Variants in CRMP1 observed in about 807,000 individuals in gnomAD.
CRMP1 encodes the protein dihydropyrimidinase-related protein 1.
CRMP1 carries 19 observed loss-of-function variants against 68.3 expected under a neutral mutation model. The ratio of observed to expected loss-of-function variants is 0.28; its 90% CI spans 0.19 to 0.41. The LOEUF (loss-of-function observed/expected upper bound fraction) is 0.41, where lower values mean the gene tolerates loss of function less well. Among genes scored for constraint, CRMP1 ranks in the 10% least tolerant of loss-of-function variants. The pLI, the probability that CRMP1 is intolerant of heterozygous loss-of-function variation, is 1.00. For synonymous variants in CRMP1, 439 were observed against 399.6 expected (o/e 1.10, Z -1.18); for missense variants, 791 against 967.4 (o/e 0.82, Z 2.42).
chr4:5,892,904 G>A lies in CRMP1; in HGVS notation c.66C>T (p.Gly22=). ...TCTGGCGCGGGGTCTGCGCCGCGCT[G>A]CCCGGCCGCGCCAGGTACACGGGCA... ...DDLPVYLARP[G]SAAQTPRQKY... Residue 22 remains glycine (G), a synonymous_variant, in exon 1 of 14, where the codon GGC becomes GGT. Coordinates refer to ENST00000324989, the MANE Select transcript of CRMP1 (RefSeq NM_001014809.3). The surrounding 1 kb of genome is among the most constrained non-coding windows in gnomAD (Gnocchi z 8.6). The A allele has an allele frequency of 7.4e-7, 1 of 1,360,480 alleles. No homozygotes were observed. Among genetic ancestry groups the A allele is most frequent in the South Asian group, 1.6e-5 (1 of 62,986 alleles). The allele number at this position is 1,360,480 out of a possible 1,614,324, so 84.3% of individuals were successfully genotyped here. A position where few individuals can be genotyped will look rare whatever the true frequency, so the allele number is the denominator to read the frequency against.
At chr4:5,886,512 T>C (rs1033784970) in intron 1 of CRMP1, among the ~76,000 whole-genome samples, 2 of 152,256 alleles carry the variant, frequency 1.3e-5, no homozygotes, top group Non-Finnish European at 2.9e-5. Context: ...CAACAGGCAG[T>C]AGGCCTGGTG....
In CRMP1 at chr4:5,861,603, G is replaced by A. The variant is rs954071406; in HGVS notation, c.471-393C>T. Among the ~76,000 whole-genome samples the A allele has an allele frequency of 7.9e-5, 12 of 152,256 alleles. No homozygotes were observed. The highest frequency in any genetic ancestry group is 5.8e-4 in the East Asian group (3 of 5,158). On this transcript the variant is annotated intron_variant, in intron 2 of 13. Transcript: ENST00000324989. This position sits in a 1 kb window ranked among gnomAD's most constrained non-coding sequence, Gnocchi z 6.0. The stretch of plus-strand genomic sequence containing the variant: ...AGGTGCCTGAAAACTTCCTCCAGGA[G>A]GTTAAATTCCAAATGGGGAAGGAGG...
intron 2 of CRMP1, among the ~76,000 whole-genome samples, chr4:5,864,335 C>T (rs1713823510): frequency 6.6e-6 from 1 of 152,192 alleles, no homozygotes; most frequent in Non-Finnish European, 1.5e-5. Context: ...AGCCCCCACA[C>T]AAAGGGGTGT....
chr4:5,875,398 GAAAAAAAAAA>G lies in CRMP1; in HGVS notation c.382-8652_382-8643del, dbSNP rs10561614. 8.0e-3 allele frequency among the ~76,000 whole-genome samples: 1,103 copies of G among 137,596 alleles called. 16 individuals are homozygous for G. Among genetic ancestry groups the G allele is most frequent in the African/African-American group, 0.027 (1,016 of 37,452 alleles). The allele number at this position is 137,596 out of a possible 152,430, so 90.3% of individuals were successfully genotyped here. A position where few individuals can be genotyped will look rare whatever the true frequency, so the allele number is the denominator to read the frequency against. On this transcript the variant is annotated intron_variant, in intron 1 of 13. Coordinates refer to ENST00000324989, the MANE Select transcript of CRMP1 (RefSeq NM_001014809.3). ...AAAATCTATTAAGGTCTAGATTTTA[GAAAAAAAAAA>G]AAAAAAAAGAGATGGGATGCTATTC...
At chr4:5,823,941 C>T (rs1560474790) in intron 13 of CRMP1, among the ~76,000 whole-genome samples, 1 of 152,198 alleles carries the variant, frequency 6.6e-6, no homozygotes, top group East Asian at 1.9e-4. Flanking sequence ...TGTTGGAAAG[C>T]ATCTGTGTTG....
intron 1 of CRMP1, among the ~76,000 whole-genome samples, chr4:5,882,226 T>C (rs142884833): frequency 3.9e-5 from 6 of 152,364 alleles, no homozygotes; most frequent in Non-Finnish European, 7.3e-5. Context: ...ATGTGAAATA[T>C]GCTACATTTG....
At chr4:5,885,202 G>A (rs577878994) in intron 1 of CRMP1, among the ~76,000 whole-genome samples, 2 of 152,094 alleles carry the variant, frequency 1.3e-5, no homozygotes, top group Admixed American at 6.6e-5. Context: ...CCCATGCTGC[G>A]CCCCTGCCTG....
At position 5,853,967 on chromosome 4, in the gene CRMP1, T is replaced by C. The variant is rs1458665044; in HGVS notation, c.820+2176A>G. Among the ~76,000 whole-genome samples, 5 of 152,222 alleles carry C rather than the reference T, an allele frequency of 3.3e-5. No individual in the cohort carries two copies. Among genetic ancestry groups the C allele is most frequent in the Non-Finnish European group, 7.3e-5 (5 of 68,036 alleles). On this transcript the variant is annotated intron_variant, in intron 4 of 13. Transcript: ENST00000324989. The surrounding 1 kb of genome is among the most constrained non-coding windows in gnomAD (Gnocchi z 4.7). ...TCGCCTGCTGGTGACCCAGCCCAGA[T>C]GCGCACAGCACAGGGCTCCCTGGAT...
chr4:5,885,655 T>G (rs550629150), intron 1 of CRMP1, among the ~76,000 whole-genome samples: 24 of 152,208 alleles, frequency 1.6e-4, no homozygotes, highest in African/African-American at 5.5e-4. Flanking sequence ...CTGTCTCCCC[T>G]AGGACAAGGC....
intron 1 of CRMP1, among the ~76,000 whole-genome samples, chr4:5,869,262 C>G (rs1188790755): frequency 1.3e-5 from 2 of 152,140 alleles, no homozygotes; most frequent in African/African-American, 4.8e-5. Context: ...CAATTTTCCA[C>G]TTCTTGAAGG....
In CRMP1 at chr4:5,843,675, C is replaced by A. The variant is rs1357143503; in HGVS notation, c.964-514G>T. 6.6e-6 allele frequency among the ~76,000 whole-genome samples: 1 copy of A among 152,198 alleles called. No individual in the cohort carries two copies. The highest frequency in any genetic ancestry group is 1.5e-5 in the Non-Finnish European group (1 of 68,046). The stretch of plus-strand genomic sequence containing the variant: ...TGACCTCAGTCTCCTCTTCTGTACA[C>A]TGGGGATAACGGTGCTTGTACTGCA... On this transcript the variant is annotated intron_variant, in intron 6 of 13. Transcript: ENST00000324989. This position sits in a 1 kb window ranked among gnomAD's most constrained non-coding sequence, Gnocchi z 4.1.
At chr4:5,828,725 T>C (rs1720075581) in intron 11 of CRMP1, 57 bp from the exon 12 acceptor site, 3 of 1,569,678 alleles carry the variant, frequency 1.9e-6, no homozygotes, top group African/African-American at 1.4e-5. Context: ...AAACGAGCTG[T>C]TCATAACAGC....
At chr4:5,826,374 G>C (rs564268057) in intron 12 of CRMP1, 2 of 153,180 alleles carry the variant, frequency 1.3e-5, no homozygotes, top group East Asian at 3.9e-4. Flanking sequence ...GGGGAGCTGA[G>C]ACAGGGAGGG....
intron 1 of CRMP1, among the ~76,000 whole-genome samples, chr4:5,884,896 G>T (rs1715470735): frequency 6.6e-6 from 1 of 151,306 alleles, no homozygotes. Flanking sequence ...GCCTTTGTTT[G>T]CTCAGAGCCA....
At chr4:5,831,895 G>A (rs1222244917) in intron 11 of CRMP1, among the ~76,000 whole-genome samples, 1 of 152,152 alleles carries the variant, frequency 6.6e-6, no homozygotes, top group Non-Finnish European at 1.5e-5. Flanking sequence ...CCCCTCCAGG[G>A]AGAACTGGTT....
intron 11 of CRMP1, among the ~76,000 whole-genome samples, chr4:5,833,558 CT>C (rs398092137): frequency 3.8e-4 from 20 of 52,114 alleles, no homozygotes; most frequent in Non-Finnish European, 5.7e-4. Flanking sequence ...CACATGTGTC[CT>C]CTCTCTCTCT....
Position 5,821,927 on chromosome 4 carries a change from T to G in CRMP1, c.1970-76A>C. ...CACGCTGCTCCTGGAGGCCATGTAC[T>G]CTGCCATGCACTCCACTGGACCCAC... On this transcript the variant is annotated intron_variant, in intron 13 of 13. Coordinates refer to ENST00000324989, the MANE Select transcript of CRMP1 (RefSeq NM_001014809.3). The surrounding 1 kb of genome is among the most constrained non-coding windows in gnomAD (Gnocchi z 4.4). 8.6e-7 allele frequency: 1 copy of G among 1,161,776 alleles called. No individual in the cohort carries two copies. Among genetic ancestry groups the G allele is most frequent in the Non-Finnish European group, 1.2e-6 (1 of 851,868 alleles). 72.0% of individuals were successfully genotyped at this position (1,161,776 alleles called of 1,614,324 possible).
chr4:5,828,690 T>C (rs1442104201), intron 11 of CRMP1, 22 bp from the exon 12 acceptor site: 14 of 1,608,034 alleles, frequency 8.7e-6, no homozygotes, highest in Non-Finnish European at 1.1e-5. Flanking sequence ...GCCTCAGTGT[T>C]ACTTCCCAGG....
Position 5,825,807 on chromosome 4 carries a change from G to T in CRMP1, c.1804-148C>A. Reference sequence around the variant, plus strand: ...ACACACACAACACGCACACACGACAGGTGCACTTCACACACATGCAGCCGC... The same window carrying T: ...ACACACACAACACGCACACACGACATGTGCACTTCACACACATGCAGCCGC... On this transcript the variant is annotated intron_variant, in intron 12 of 13. Transcript: ENST00000324989. This position sits in a 1 kb window ranked among gnomAD's most constrained non-coding sequence, Gnocchi z 4.4. 1.4e-6 allele frequency: 1 copy of T among 730,350 alleles called. No homozygotes were observed. Among genetic ancestry groups the T allele is most frequent in the Non-Finnish European group, 2.2e-6 (1 of 446,208 alleles). 45.2% of individuals were successfully genotyped at this position (730,350 alleles called of 1,614,324 possible).
Sources: allele counts gnomAD v4.1 joint callset (sites outside exome capture counted in the v4.1 genomes callset), GRCh38; gene constraint gnomAD v4.1.1; non-coding constraint Gnocchi (gnomAD v3.1); transcripts MANE v1.5; gene names NCBI Gene and HGNC (gene_info 2026-07-23, HGNC 2026-07-21).